The following GBP1 variants were observed in gnomAD, a reference collection of about 807,000 sequenced individuals.
The protein encoded by GBP1 is guanylate-binding protein 1.
A neutral mutation model predicts 69.5 loss-of-function variants in GBP1; 64 were observed. The ratio of observed to expected loss-of-function variants is 0.92; its 90% CI spans 0.75 to 1.13. GBP1 has a LOEUF of 1.13. Among genes scored for constraint, GBP1 ranks in the 50% most tolerant of loss-of-function variants. The pLI is 0.00. For missense variants in GBP1, 630 were observed against 704.1 expected, an observed-to-expected ratio of 0.89 and a Z score of 1.19; for synonymous variants, 250 against 261.2, an observed-to-expected ratio of 0.96 and a Z score of 0.41.
intron 10 of GBP1, 118 bp downstream of exon 10, chr1:89,054,564 T>C: frequency 3.3e-6 from 3 of 918,794 alleles, no homozygotes; most frequent in Non-Finnish European, 3.4e-6. Flanking sequence ...AAAGTACAAG[T>C]AAGCAAGCAG....
chr1:89,059,987 C>T (rs1680142152), intron 3 of GBP1, among the ~76,000 whole-genome samples: 1 of 152,180 alleles, frequency 6.6e-6, no homozygotes, highest in Non-Finnish European at 1.5e-5. Context: ...AATTTAAATA[C>T]AAAGTCACAT....
rs754950465 is a variant in GBP1 at position 89,059,454 on chromosome 1, G to A, written c.319-28C>T. 9.9e-6 allele frequency: 16 copies of A among 1,613,180 alleles called. 1 individual carries two copies. Among genetic ancestry groups the A allele is most frequent in the South Asian group, 4.4e-5 (4 of 91,046 alleles). On this transcript the variant is annotated intron_variant, in intron 3 of 10. Coordinates refer to ENST00000370473, the MANE Select transcript of GBP1 (RefSeq NM_002053.3). ...GGAAGTCAAGACACACTGGAGTCAG[G>A]AGCAAGTTTCATCATCGCAGCACTT...
At chr1:89,053,531 T>C (rs1679970402) in intron 10 of GBP1, 63 bp from the exon 11 acceptor site, 1 of 1,563,978 alleles carries the variant, frequency 6.4e-7, no homozygotes, top group South Asian at 1.2e-5. Flanking sequence ...ACATTCTATC[T>C]GGTTTCCACA....
intron 10 of GBP1, among the ~76,000 whole-genome samples, chr1:89,054,035 T>C (rs943344576): frequency 6.6e-6 from 1 of 152,252 alleles, no homozygotes; most frequent in African/African-American, 2.4e-5. Context: ...ATTTATTCTT[T>C]TTGGAACCTT....
At chr1:89,058,410 A>T (rs773042162) in intron 5 of GBP1, 176 bp from the exon 6 acceptor site, 1 of 600,416 alleles carries the variant, frequency 1.7e-6, no homozygotes, top group Non-Finnish European at 2.8e-6. Flanking sequence ...GCATAGCATT[A>T]TTCCAAAAAA....
At chr1:89,055,266 G>T in intron 8 of GBP1, 51 bp from the exon 9 acceptor site, 1 of 1,607,480 alleles carries the variant, frequency 6.2e-7, no homozygotes, top group Non-Finnish European at 8.5e-7. Context: ...CTGTAAGCAG[G>T]TGTTCCTGTT....
intron 1 of GBP1, among the ~76,000 whole-genome samples, chr1:89,063,669 A>G (rs536603772): frequency 6.6e-6 from 1 of 152,372 alleles, no homozygotes; most frequent in East Asian, 1.9e-4. Flanking sequence ...GTGAATCAGT[A>G]TTCATAGTTT....
rs1247427383 is a variant in GBP1, at chr1:89,058,068, T to G, written c.798A>C (p.Val266=). Reference sequence around the variant, plus strand: ...TAAAGATGTAGGAACAGAAGTCTGCTACTTGTTGCACAAATTCGGGGTCCA... The same window carrying G: ...TAAAGATGTAGGAACAGAAGTCTGCGACTTGTTGCACAAATTCGGGGTCCA... ...EELDPEFVQQ[V]ADFCSYIFSN... is the part of the protein sequence containing the mutation. The change falls in exon 6 of 11, where the codon GTA becomes GTC. Residue 266 remains valine (V), a synonymous_variant. Coordinates refer to ENST00000370473, the MANE Select transcript of GBP1 (RefSeq NM_002053.3). The G allele has an allele frequency of 1.2e-6, 2 of 1,614,230 alleles. No homozygotes were observed. Among genetic ancestry groups the G allele is most frequent in the African/African-American group, 2.7e-5 (2 of 75,064 alleles).
At chr1:89,057,939 C>G in intron 6 of GBP1, 53 bp downstream of exon 6, 1 of 1,517,832 alleles carries the variant, frequency 6.6e-7, no homozygotes, top group Admixed American at 2.0e-5. Flanking sequence ...GGAAGTTATT[C>G]TATGCTCCTC....
intron 10 of GBP1, among the ~76,000 whole-genome samples, chr1:89,054,225 G>A (rs1367733151): frequency 6.6e-6 from 1 of 151,854 alleles, no homozygotes; most frequent in Non-Finnish European, 1.5e-5. Flanking sequence ...TCAGCTTCCT[G>A]AGTAGCTGGG....
intron 5 of GBP1, 165 bp downstream of exon 5, chr1:89,058,676 A>C (rs1338901805): frequency 2.8e-6 from 2 of 703,938 alleles, no homozygotes; most frequent in East Asian, 5.4e-5. Flanking sequence ...ATGTAATTTA[A>C]AATAACATCT....
chr1:89,061,180 T>G (rs1463450289), intron 2 of GBP1, among the ~76,000 whole-genome samples: 1 of 152,046 alleles, frequency 6.6e-6, no homozygotes, highest in African/African-American at 2.4e-5. Flanking sequence ...AATAGAAAAA[T>G]CCACCATAAA....
intron 5 of GBP1, chr1:89,058,505 G>A (rs976713195): frequency 2.5e-5 from 13 of 513,510 alleles, no homozygotes; most frequent in South Asian, 5.0e-5. Context: ...ACTAGCACAC[G>A]GTTCATGTTT....
chr1:89,055,089 C>T (rs1408532508), intron 9 of GBP1, 24 bp downstream of exon 9: 1 of 1,595,222 alleles, frequency 6.3e-7, no homozygotes, highest in South Asian at 1.1e-5. Flanking sequence ...TTGAGGCCAT[C>T]TAATCTCTTA....
At position 89,055,358 on chromosome 1, in the gene GBP1, G is replaced by A. The variant is rs1200630426; in HGVS notation, c.1369-143C>T. On this transcript the variant is annotated intron_variant, in intron 8 of 10. Coordinates refer to ENST00000370473, the MANE Select transcript of GBP1 (RefSeq NM_002053.3). The stretch of plus-strand genomic sequence containing the variant: ...TGGTGGTCAAATTCCCTGTCGGAGC[G>A]ACAGACACATGCTCCTGGCAAGCCG... The A allele has an allele frequency of 7.9e-6, 11 of 1,393,320 alleles. No individual in the cohort carries two copies. In the East Asian group the frequency reaches 9.8e-5, roughly 12 times the overall value. 86.3% of individuals were successfully genotyped at this position (1,393,320 alleles called of 1,614,324 possible).
chr1:89,058,695 G>T, intron 5 of GBP1, 146 bp downstream of exon 5: 1 of 746,492 alleles, frequency 1.3e-6, no homozygotes, highest in Non-Finnish European at 2.2e-6. Context: ...CTATTAATTT[G>T]GATATTCAGC....
rs1273079222 is a variant in GBP1 at position 89,058,181 on chromosome 1, ATT to A, written c.683_684del (p.Lys228IlefsTer11). On this transcript the variant is annotated frameshift_variant, in exon 6 of 11. Coordinates refer to ENST00000370473, the MANE Select transcript of GBP1 (RefSeq NM_002053.3). LOFTEE classifies it high-confidence loss of function. ...TFNLPRLCIRKFFPKKKCFVF... is the reference protein window; with the variant it reads ...TFNLPRLCIRXFFPKKKCFVF... ...ACAAAGCATTTTTTCTTTGGGAAGA[ATT>A]TCCGGATACAGAGTCTGGGCAGGTT... 1 of 1,614,022 alleles carries A rather than the reference ATT, an allele frequency of 6.2e-7. No individual in the cohort carries two copies. The highest frequency in any genetic ancestry group is 1.1e-5 in the South Asian group (1 of 91,070).
chr1:89,064,218 T>TGC (rs1680273764), intron 1 of GBP1, among the ~76,000 whole-genome samples: 4 of 134,754 alleles, frequency 3.0e-5, no homozygotes, highest in African/African-American at 8.7e-5. Context: ...TGTGTGTGTG[T>TGC]GTGTGTGTGT....
At chr1:89,056,830 G>A (rs555166024) in intron 7 of GBP1, 24 bp downstream of exon 7, 32 of 1,611,182 alleles carry the variant, frequency 2.0e-5, no homozygotes, top group African/African-American at 1.9e-4. Context: ...ACCCTAAACC[G>A]TATACATTTG....
Sources: gnomAD v4.1 joint callset for allele counts (sites outside exome capture counted in the v4.1 genomes callset) on GRCh38, gnomAD v4.1.1 for gene constraint, MANE v1.5 for transcripts, NCBI Gene and HGNC (gene_info 2026-07-23, HGNC 2026-07-21) for gene names.